GPC6: variants seen among roughly 807,000 people sequenced by gnomAD.
The protein encoded by GPC6 is glypican 6.
GPC6 carries 14 observed loss-of-function variants against 55.2 expected under a neutral mutation model. The observed-to-expected ratio is 0.25, with a 90% confidence interval of 0.17 to 0.40. The LOEUF (loss-of-function observed/expected upper bound fraction) is 0.40. Among genes scored for constraint, GPC6 ranks in the 10% least tolerant of loss-of-function variants. GPC6 has a pLI of 1.00. For synonymous variants in GPC6, 278 were observed against 259.6 expected, an observed-to-expected ratio of 1.07 and a Z score of -0.68; for missense variants, 641 against 708.5, an observed-to-expected ratio of 0.90 and a Z score of 1.08.
At chr13:93,907,290 G>A (rs1407944354) in intron 3 of GPC6, among the ~76,000 whole-genome samples, 1 of 152,032 alleles carries the variant, frequency 6.6e-6, no homozygotes, top group Non-Finnish European at 1.5e-5. Context: ...ATAATCCACT[G>A]ACTTAGCAAT....
At chr13:93,450,723 G>A (rs1199935758) in intron 1 of GPC6, 5 of 974,188 alleles carry the variant, frequency 5.1e-6, no homozygotes, top group Non-Finnish European at 6.1e-6. Flanking sequence ...TTTAGTGGCT[G>A]TATTTCATAA....
rs538348125 is a variant in GPC6 at position 93,288,768 on chromosome 13, T to C, written c.160+61152T>C. ...TGTCTGGATAACCAATGAGTGACCTTCAGTGCTTTGTAGGGCAACCTGCAG... is the reference window on the plus strand; with the variant it reads ...TGTCTGGATAACCAATGAGTGACCTCCAGTGCTTTGTAGGGCAACCTGCAG... On this transcript the variant is annotated intron_variant, in intron 1 of 8. Coordinates refer to ENST00000377047, the MANE Select transcript of GPC6 (RefSeq NM_005708.5). Among the ~76,000 whole-genome samples, 13 of 152,346 alleles carry C rather than the reference T, an allele frequency of 8.5e-5. No individual in the cohort carries two copies. In the South Asian group the frequency reaches 2.5e-3, roughly 29 times the overall value.
chr13:93,382,168 A>T (rs991414593), intron 1 of GPC6, among the ~76,000 whole-genome samples: 1 of 152,124 alleles, frequency 6.6e-6, no homozygotes. Flanking sequence ...GCTGATATTG[A>T]CTAGTGTTGC....
chr13:93,268,494 G>T (rs1238047116), intron 1 of GPC6, among the ~76,000 whole-genome samples: 1 of 152,152 alleles, frequency 6.6e-6, no homozygotes, highest in Non-Finnish European at 1.5e-5. Context: ...CAATGAATCT[G>T]CAAGTACAGT....
At chr13:93,295,117 A>G (rs1171336287) in intron 1 of GPC6, among the ~76,000 whole-genome samples, 7 of 148,624 alleles carry the variant, frequency 4.7e-5, no homozygotes, top group Admixed American at 2.7e-4. Context: ...TGCAAAAAAA[A>G]AAAAAAAAAA....
chr13:93,350,699 C>T (rs1048602603), intron 1 of GPC6, among the ~76,000 whole-genome samples: 11 of 152,024 alleles, frequency 7.2e-5, no homozygotes, highest in South Asian at 2.1e-4. Context: ...ATATTTTATA[C>T]GAAGACCCAG....
intron 4 of GPC6, among the ~76,000 whole-genome samples, chr13:94,159,565 C>T (rs1888082101): frequency 6.6e-6 from 1 of 152,102 alleles, no homozygotes; most frequent in South Asian, 2.1e-4. Flanking sequence ...CAATTATCTC[C>T]CACCAGGTCC....
chr13:94,322,454 G>A (rs1407181900), intron 6 of GPC6, among the ~76,000 whole-genome samples: 1 of 152,162 alleles, frequency 6.6e-6, no homozygotes, highest in African/African-American at 2.4e-5. Flanking sequence ...GGGGCAGGGG[G>A]AGTCTTTACA....
intron 2 of GPC6, among the ~76,000 whole-genome samples, chr13:93,701,740 C>G (rs912068820): frequency 1.1e-4 from 16 of 151,996 alleles, no homozygotes; most frequent in African/African-American, 3.9e-4. Context: ...GCATCTTCTC[C>G]AGGACTACAT....
chr13:93,665,744 G>A (rs1482647575), intron 2 of GPC6, among the ~76,000 whole-genome samples: 1 of 152,146 alleles, frequency 6.6e-6, no homozygotes, highest in Non-Finnish European at 1.5e-5. Flanking sequence ...GAGTACTGAA[G>A]AAACGATACT....
At chr13:94,026,617 G>A (rs1185339184) in intron 3 of GPC6, among the ~76,000 whole-genome samples, 3 of 151,878 alleles carry the variant, frequency 2.0e-5, no homozygotes, top group Admixed American at 6.6e-5. Flanking sequence ...TTCTAATTTT[G>A]GTCTCCACTA....
At chr13:93,276,153 C>A (rs1055014055) in intron 1 of GPC6, among the ~76,000 whole-genome samples, 1 of 152,116 alleles carries the variant, frequency 6.6e-6, no homozygotes, top group Non-Finnish European at 1.5e-5. Context: ...GGATTACAGG[C>A]GTGAGCCACC....
At chr13:93,603,708 A>C (rs1878120477) in intron 2 of GPC6, among the ~76,000 whole-genome samples, 1 of 152,200 alleles carries the variant, frequency 6.6e-6, no homozygotes, top group Admixed American at 6.5e-5. Flanking sequence ...AAACCTAAGC[A>C]TGCATACATG....
intron 4 of GPC6, among the ~76,000 whole-genome samples, chr13:94,042,795 C>T (rs1883588327): frequency 6.6e-6 from 1 of 151,836 alleles, no homozygotes; most frequent in Admixed American, 6.6e-5. Flanking sequence ...AGGATTTTGC[C>T]TGTAGCAGCT....
chr13:93,738,895 C>G (rs7982874), intron 2 of GPC6, among the ~76,000 whole-genome samples: 145,721 of 151,896 alleles, frequency 0.96, 69,946 homozygotes, highest in African/African-American at 0.99. Context: ...TCCTCCAAAA[C>G]AACTCACAGT....
intron 3 of GPC6, among the ~76,000 whole-genome samples, chr13:93,859,437 A>T (rs752536880): frequency 1.3e-5 from 2 of 151,638 alleles, no homozygotes; most frequent in Non-Finnish European, 3.0e-5. Context: ...GTAAATATTC[A>T]TTTGACAGGT....
chr13:93,349,150 T>C (rs1880533364), intron 1 of GPC6, among the ~76,000 whole-genome samples: 1 of 152,254 alleles, frequency 6.6e-6, no homozygotes. Flanking sequence ...TCATATCTAA[T>C]GTGCACTGAT....
intron 1 of GPC6, among the ~76,000 whole-genome samples, chr13:93,455,049 C>T (rs543498525): frequency 1.3e-5 from 2 of 152,320 alleles, no homozygotes; most frequent in Non-Finnish European, 2.9e-5. Context: ...CCTTATTGCC[C>T]GGAGCCGGCA....
Position 93,339,720 on chromosome 13 carries a change from C to T in GPC6, c.160+112104C>T, listed in dbSNP as rs553000666. ...TGTTTGTATTGCTTGTTAGTGCCAA[C>T]GGCTTCCCGGGCTTAAAATGACTAC... On this transcript the variant is annotated intron_variant, in intron 1 of 8. Coordinates refer to ENST00000377047, the MANE Select transcript of GPC6 (RefSeq NM_005708.5). Among the ~76,000 whole-genome samples, 7 of 152,268 alleles carry T rather than the reference C, an allele frequency of 4.6e-5. No individual in the cohort carries two copies. The East Asian group carries it at 5.8e-4, about 13-fold the overall frequency.
Sources: allele counts gnomAD v4.1 joint callset (sites outside exome capture counted in the v4.1 genomes callset), GRCh38; gene constraint gnomAD v4.1.1; transcripts MANE v1.5; gene names NCBI Gene and HGNC (gene_info 2026-07-23, HGNC 2026-07-21).